SCMH1: variants seen among roughly 807,000 people sequenced by gnomAD.
The protein encoded by SCMH1 is polycomb protein SCMH1.
A neutral mutation model predicts 70.8 loss-of-function variants in SCMH1; 37 were observed. The ratio of observed to expected loss-of-function variants is 0.52; its 90% confidence interval spans 0.40 to 0.69. The LOEUF (loss-of-function observed/expected upper bound fraction) is 0.69. Ranked by LOEUF, SCMH1 falls within the 30% of genes least tolerant of loss-of-function variation. The pLI is 0.00. For missense variants in SCMH1, 607 were observed against 827.3 expected (o/e 0.73, Z 3.27); for synonymous variants, 292 against 307.4 (o/e 0.95, Z 0.52).
chr1:41,099,699 C>T (rs1031010900), intron 8 of SCMH1, among the ~76,000 whole-genome samples: 2 of 152,252 alleles, frequency 1.3e-5, no homozygotes, highest in South Asian at 2.1e-4. Context: ...TCTGACATGA[C>T]CTAGGGACTC....
chr1:41,135,303 C>T (rs1643100620), intron 6 of SCMH1, among the ~76,000 whole-genome samples: 1 of 152,078 alleles, frequency 6.6e-6, no homozygotes, highest in Non-Finnish European at 1.5e-5. Flanking sequence ...AGCTGTGTCC[C>T]CACCCAAATC....
At chr1:41,194,345 C>T (rs777321382) in intron 1 of SCMH1, among the ~76,000 whole-genome samples, 6 of 152,078 alleles carry the variant, frequency 3.9e-5, no homozygotes, top group Non-Finnish European at 7.4e-5. Context: ...CTGATTTTTG[C>T]ATGGTTCAGC....
chr1:41,143,122 A>G lies in SCMH1; in HGVS notation c.178-10T>C. The stretch of plus-strand genomic sequence containing the variant: ...TTGGAGGTGTGTAGGACTGGGAAAA[A>G]CAAGGCATGAGGTATAGACAGATTA... On this transcript the variant is annotated splice_polypyrimidine_tract_variant and intron_variant, in intron 5 of 14. Transcript: ENST00000337495. 1 of 1,609,414 alleles carries G rather than the reference A, an allele frequency of 6.2e-7. No individual in the cohort carries two copies. Among genetic ancestry groups the G allele is most frequent in the East Asian group, 2.2e-5 (1 of 44,848 alleles).
Position 41,062,915 on chromosome 1 carries a change from T to C in SCMH1, c.1105+7680A>G, listed in dbSNP as rs1386997042. On this transcript the variant is annotated intron_variant, in intron 10 of 14. Transcript: ENST00000337495. ...GCCTGGGTGACAGTGTGAGACTCCA[T>C]CTCAAAAAAAAAAAAAAAAATTGGA... 1.2e-3 allele frequency among the ~76,000 whole-genome samples: 76 copies of C among 62,056 alleles called. 2 individuals are homozygous for C. Among genetic ancestry groups the C allele is most frequent in the Admixed American group, 0.012 (75 of 6,186 alleles). The allele number at this position is 62,056 out of a possible 152,430, so 40.7% of individuals were successfully genotyped here.
At chr1:41,073,449 A>G (rs1179466133) in intron 9 of SCMH1, among the ~76,000 whole-genome samples, 1 of 152,178 alleles carries the variant, frequency 6.6e-6, no homozygotes, top group Admixed American at 6.5e-5. Flanking sequence ...TCTCCTCTAC[A>G]ACATGAGAAT....
chr1:41,089,708 T>C (rs1260755584), intron 8 of SCMH1, among the ~76,000 whole-genome samples: 1 of 151,774 alleles, frequency 6.6e-6, no homozygotes, highest in Non-Finnish European at 1.5e-5. Context: ...TGGAGCCCTA[T>C]ATGATCTGAT....
At chr1:41,157,886 G>T (rs140461758) in intron 4 of SCMH1, among the ~76,000 whole-genome samples, 1 of 152,024 alleles carries the variant, frequency 6.6e-6, no homozygotes, top group Non-Finnish European at 1.5e-5. Flanking sequence ...TATGGATGGG[G>T]GCTTATATTC....
At chr1:41,166,620 T>C (rs1311258802) in intron 2 of SCMH1, among the ~76,000 whole-genome samples, 1 of 151,770 alleles carries the variant, frequency 6.6e-6, no homozygotes, top group Non-Finnish European at 1.5e-5. Context: ...GTAAATGGGA[T>C]TGTTTTCTTA....
intron 1 of SCMH1, among the ~76,000 whole-genome samples, chr1:41,209,607 G>A (rs535042503): frequency 3.2e-4 from 48 of 152,290 alleles, no homozygotes; most frequent in African/African-American, 1.0e-3. Context: ...CAGAACCATC[G>A]ACAAAAACCA....
At chr1:41,200,513 TA>T (rs1654098126) in intron 1 of SCMH1, among the ~76,000 whole-genome samples, 1 of 145,950 alleles carries the variant, frequency 6.9e-6, no homozygotes, top group African/African-American at 2.5e-5. Flanking sequence ...ATAATAATAA[TA>T]ATATAATAAT....
intron 7 of SCMH1, among the ~76,000 whole-genome samples, chr1:41,114,884 C>T (rs991896957): frequency 6.6e-6 from 1 of 151,908 alleles, no homozygotes; most frequent in Non-Finnish European, 1.5e-5. Context: ...TACCATGTTG[C>T]CCAAGCTGGT....
intron 8 of SCMH1, among the ~76,000 whole-genome samples, chr1:41,094,512 T>G (rs572768942): frequency 6.6e-6 from 1 of 152,100 alleles, no homozygotes; most frequent in Non-Finnish European, 1.5e-5. Flanking sequence ...AACTATTGCT[T>G]TGGTGCACTT....
intron 10 of SCMH1, among the ~76,000 whole-genome samples, chr1:41,062,910 C>A (rs1653251661): frequency 9.6e-6 from 1 of 104,640 alleles, no homozygotes. Flanking sequence ...CAGTGTGAGA[C>A]TCCATCTCAA....
At chr1:41,039,842 A>T (rs1645867111) in intron 12 of SCMH1, among the ~76,000 whole-genome samples, 1 of 152,108 alleles carries the variant, frequency 6.6e-6, no homozygotes, top group Non-Finnish European at 1.5e-5. Context: ...AGGCCAAGTA[A>T]ATAGGGTTAT....
chr1:41,221,196 G>A (rs1471108965), intron 1 of SCMH1, among the ~76,000 whole-genome samples: 1 of 152,136 alleles, frequency 6.6e-6, no homozygotes, highest in Non-Finnish European at 1.5e-5. Context: ...GAGGTTCCTA[G>A]TGTAGTCAAA....
chr1:41,094,925 T>C (rs1402919602), intron 8 of SCMH1, among the ~76,000 whole-genome samples: 1 of 151,710 alleles, frequency 6.6e-6, no homozygotes, highest in Non-Finnish European at 1.5e-5. Flanking sequence ...TAGACAGCCA[T>C]ATCTCTGCTC....
At chr1:41,074,909 C>A (rs1434338793) in intron 9 of SCMH1, among the ~76,000 whole-genome samples, 1 of 152,244 alleles carries the variant, frequency 6.6e-6, no homozygotes, top group East Asian at 1.9e-4. Flanking sequence ...GTCACCCAGG[C>A]TGCAGTGCAG....
chr1:41,202,608 G>A (rs554470232), intron 1 of SCMH1, among the ~76,000 whole-genome samples: 5 of 152,074 alleles, frequency 3.3e-5, no homozygotes, highest in Non-Finnish European at 7.4e-5. Context: ...TAAATTTAGT[G>A]CAATTCATAA....
intron 1 of SCMH1, among the ~76,000 whole-genome samples, chr1:41,241,288 G>A (rs1474257155): frequency 6.6e-6 from 1 of 152,238 alleles, no homozygotes; most frequent in Non-Finnish European, 1.5e-5. Flanking sequence ...TCACCCATCG[G>A]CTGGATACCA....
Sources: gnomAD v4.1 joint callset for allele counts (sites outside exome capture counted in the v4.1 genomes callset) on GRCh38, gnomAD v4.1.1 for gene constraint, MANE v1.5 for transcripts, NCBI Gene and HGNC (gene_info 2026-07-23, HGNC 2026-07-21) for gene names.